The following ASXL2 variants were observed in gnomAD, a reference collection of about 807,000 sequenced individuals.
ASXL2 encodes ASXL transcriptional regulator 2.
Under a neutral mutation model 122.0 loss-of-function variants are expected in ASXL2, and 23 were observed. That is an observed-to-expected ratio of 0.19 (90% confidence interval 0.14 to 0.27). ASXL2 has a LOEUF of 0.27. Among genes scored for constraint, ASXL2 ranks in the 10% least tolerant of loss-of-function variants. The probability of loss-of-function intolerance (pLI) is 1.00; values close to 1 mark genes in which losing one functional copy is unlikely to be tolerated. For missense variants in ASXL2, 1,518 were observed against 1,713.8 expected, an observed-to-expected ratio of 0.89 and a Z score of 2.02; for synonymous variants, 650 against 637.0, an observed-to-expected ratio of 1.02 and a Z score of -0.31.
intron 3 of ASXL2, chr2:25,810,529 TC>T: frequency 1.4e-6 from 1 of 736,370 alleles, no homozygotes; most frequent in Non-Finnish European, 2.4e-6. Flanking sequence ...CTCAGCCTGT[TC>T]CCAGGCGCGC....
intron 2 of ASXL2, among the ~76,000 whole-genome samples, chr2:25,837,941 A>G (rs933769235): frequency 8.3e-6 from 1 of 120,668 alleles, no homozygotes; most frequent in Non-Finnish European, 1.7e-5. Flanking sequence ...ACATGGCAAA[A>G]CCCTGTCTCT....
intron 1 of ASXL2, among the ~76,000 whole-genome samples, chr2:25,845,770 T>G (rs1313104657): frequency 1.3e-5 from 2 of 152,158 alleles, no homozygotes; most frequent in Non-Finnish European, 2.9e-5. Flanking sequence ...ATTATCCATT[T>G]CCTGGTAAAT....
intron 1 of ASXL2, among the ~76,000 whole-genome samples, chr2:25,849,740 A>C (rs1042575768): frequency 6.6e-6 from 1 of 152,084 alleles, no homozygotes; most frequent in African/African-American, 2.4e-5. Flanking sequence ...GGGTTTTGCC[A>C]TGTTGTCCAG....
At chr2:25,869,165 CAA>C (rs566674511) in intron 1 of ASXL2, among the ~76,000 whole-genome samples, 6 of 94,678 alleles carry the variant, frequency 6.3e-5, no homozygotes, top group Non-Finnish European at 6.8e-5. Flanking sequence ...GACCTCATCT[CAA>C]AAAAAAAAAA....
intron 5 of ASXL2, among the ~76,000 whole-genome samples, chr2:25,783,834 T>G (rs896023538): frequency 6.6e-6 from 1 of 151,120 alleles, no homozygotes; most frequent in Non-Finnish European, 1.5e-5. Flanking sequence ...GGTGGGAGGA[T>G]CACGAGGTCA....
Position 25,740,222 on chromosome 2 carries a change from T to C in ASXL2, c.*1807A>G. 1 of 220,272 alleles carries C rather than the reference T, an allele frequency of 4.5e-6. No homozygotes were observed. The highest frequency in any genetic ancestry group is 9.1e-6 in the Non-Finnish European group (1 of 110,142). The allele number at this position is 220,272 out of a possible 1,614,324, so 13.6% of individuals were successfully genotyped here. ...GTGAAAAACAGTGAAGTGAGTTTCT[T>C]ACGGAGAGGAGCGGAGCAGGGGCTG... On this transcript the variant is annotated 3_prime_UTR_variant, in exon 13 of 13. Transcript: ENST00000435504.
intron 6 of ASXL2, among the ~76,000 whole-genome samples, chr2:25,770,924 CT>C (rs1387588906): frequency 6.6e-6 from 1 of 151,690 alleles, no homozygotes; most frequent in Admixed American, 6.6e-5. Context: ...AAATTAGACA[CT>C]TTAAAAAATG....
intron 5 of ASXL2, among the ~76,000 whole-genome samples, chr2:25,771,799 T>G (rs1055684253): frequency 6.6e-6 from 1 of 152,224 alleles, no homozygotes; most frequent in African/African-American, 2.4e-5. Flanking sequence ...TTCAATAGAA[T>G]TGACTGAAGA....
chr2:25,864,585 T>C (rs907195560), intron 1 of ASXL2, among the ~76,000 whole-genome samples: 1 of 152,042 alleles, frequency 6.6e-6, no homozygotes, highest in African/African-American at 2.4e-5. Flanking sequence ...AAAAGTTATA[T>C]TTAGTTTTGG....
rs138078147 is a variant in ASXL2 at position 25,741,015 on chromosome 2, G to A, written c.*1014C>T. The A allele has an allele frequency of 6.0e-4, 116 of 193,076 alleles. 1 individual carries two copies. Among genetic ancestry groups the A allele is most frequent in the South Asian group, 1.4e-3 (7 of 5,170 alleles). 12.0% of individuals were successfully genotyped at this position (193,076 alleles called of 1,614,324 possible). On this transcript the variant is annotated 3_prime_UTR_variant, in exon 13 of 13. Transcript: ENST00000435504. ...TGGGAGAGAAGAGGAAAAGAGAAGCGACCTTGTTCTAGTGTCAAAACTGTT... is the reference window on the plus strand; with the variant it reads ...TGGGAGAGAAGAGGAAAAGAGAAGCAACCTTGTTCTAGTGTCAAAACTGTT...
At chr2:25,796,834 C>T (rs2088918104) in intron 5 of ASXL2, among the ~76,000 whole-genome samples, 1 of 152,146 alleles carries the variant, frequency 6.6e-6, no homozygotes. Context: ...CCTCATGTGG[C>T]TATTTAAAGT....
Position 25,742,155 on chromosome 2 carries a change from C to T in ASXL2, c.4182G>A (p.Glu1394=). The T allele has an allele frequency of 1.9e-6, 3 of 1,614,060 alleles. No individual in the cohort carries two copies. The highest frequency in any genetic ancestry group is 2.5e-6 in the Non-Finnish European group (3 of 1,179,912). Residue 1394 remains glutamate (E), a synonymous_variant, in exon 13 of 13, where the codon GAG becomes GAA. Transcript: ENST00000435504. ...GGCAGTAACATTTCGAAGGCGTGCC[C>T]TCTATGCTGTTCTCTTCGGAGAACG... ...VQAFSEENSI[E]GTPSKCYCRL...
intron 1 of ASXL2, 46 bp downstream of exon 1, chr2:25,878,120 G>C: frequency 6.2e-7 from 1 of 1,610,650 alleles, no homozygotes; most frequent in Non-Finnish European, 8.5e-7. Flanking sequence ...CGGGCGACAA[G>C]GGAACAAAAT....
rs1407328559 is a variant in ASXL2, at chr2:25,780,870, G to T, written c.404-9330C>A. ...TGGGAGGCCGAGGTGGGCGGATCACGAGGTCAGGAGATCGAGACCATCCTA... is the reference window on the plus strand; with the variant it reads ...TGGGAGGCCGAGGTGGGCGGATCACTAGGTCAGGAGATCGAGACCATCCTA... On this transcript the variant is annotated intron_variant, in intron 5 of 12. Transcript: ENST00000435504. Among the ~76,000 whole-genome samples the T allele has an allele frequency of 4.0e-5, 6 of 151,486 alleles. No individual in the cohort carries two copies. In the South Asian group the frequency reaches 1.3e-3, roughly 32 times the overall value.
At chr2:25,839,521 C>T (rs1199227427) in intron 2 of ASXL2, among the ~76,000 whole-genome samples, 2 of 151,858 alleles carry the variant, frequency 1.3e-5, no homozygotes, top group East Asian at 3.9e-4. Context: ...CAGTTCTTAA[C>T]CTCTCCTGGC....
intron 3 of ASXL2, chr2:25,810,241 T>G (rs1228072211): frequency 1.6e-6 from 1 of 617,822 alleles, no homozygotes; most frequent in African/African-American, 1.8e-5. Context: ...CGTTCCTCTG[T>G]GAGTTCCAAG....
chr2:25,788,567 A>G (rs1428301754), intron 5 of ASXL2, among the ~76,000 whole-genome samples: 2 of 152,200 alleles, frequency 1.3e-5, no homozygotes, highest in African/African-American at 4.8e-5. Context: ...CCACCAGTGT[A>G]TAAGAATCCC....
rs1483181944 is a variant in ASXL2, at chr2:25,744,934, TCCAC to T, written c.1861-462_1861-459del. Among the ~76,000 whole-genome samples, 6 of 102,718 alleles carry T rather than the reference TCCAC, an allele frequency of 5.8e-5. No homozygotes were observed. The highest frequency in any genetic ancestry group is 3.5e-4 in the South Asian group (1 of 2,852). 67.4% of individuals were successfully genotyped at this position (102,718 alleles called of 152,430 possible). On this transcript the variant is annotated intron_variant, in intron 12 of 12. Transcript: ENST00000435504. The surrounding 1 kb of genome is among the most constrained non-coding windows in gnomAD (Gnocchi z 4.7). Reference sequence around the variant, plus strand: ...GGGGAAAATACTTGCTCTTCTCTGTTCCACACACACACACACACACACACACACA... The same window carrying T: ...GGGGAAAATACTTGCTCTTCTCTGTTACACACACACACACACACACACACA...
At chr2:25,827,369 C>T (rs1430015807) in intron 3 of ASXL2, among the ~76,000 whole-genome samples, 2 of 152,122 alleles carry the variant, frequency 1.3e-5, no homozygotes, top group South Asian at 2.1e-4. Flanking sequence ...CAACAGCACA[C>T]TTACATTGGA....
Sources: gnomAD v4.1 joint callset for allele counts (sites outside exome capture counted in the v4.1 genomes callset) on GRCh38, gnomAD v4.1.1 for gene constraint, Gnocchi (gnomAD v3.1) non-coding constraint, MANE v1.5 for transcripts, NCBI Gene and HGNC (gene_info 2026-07-23, HGNC 2026-07-21) for gene names.